Variants in PNKD observed in about 807,000 individuals in gnomAD.
The protein encoded by PNKD is probable thioesterase PNKD.
PNKD carries 36 observed loss-of-function variants against 45.3 expected under a neutral mutation model. The ratio of observed to expected loss-of-function variants is 0.80; its 90% CI spans 0.61 to 1.05. PNKD has a LOEUF of 1.05. PNKD is among the 50% of genes least tolerant of loss of function. The probability of loss-of-function intolerance (pLI) is 0.00; values close to 1 mark genes in which losing one functional copy is unlikely to be tolerated. For missense variants in PNKD, 511 were observed against 506.6 expected (o/e 1.01, Z -0.08); for synonymous variants, 197 against 210.1 (o/e 0.94, Z 0.54).
intron 2 of PNKD, among the ~76,000 whole-genome samples, chr2:218,301,622 T>TA (rs141502607): frequency 0.033 from 5,014 of 152,140 alleles, 267 homozygotes; most frequent in African/African-American, 0.11. Context: ...CCCATCTCTT[T>TA]AAAAAAATTA....
intron 2 of PNKD, among the ~76,000 whole-genome samples, chr2:218,314,480 C>G (rs1042848628): frequency 6.6e-6 from 1 of 152,056 alleles, no homozygotes; most frequent in African/African-American, 2.4e-5. Flanking sequence ...ACCTTGGCCT[C>G]CCAAAGTGCT....
rs566633209 is a variant in PNKD at position 218,340,364 on chromosome 2, T to C, written c.465+223T>C. Among the ~76,000 whole-genome samples, 1 of 151,940 alleles carries C rather than the reference T, an allele frequency of 6.6e-6. No homozygotes were observed. Among genetic ancestry groups the C allele is most frequent in the Non-Finnish European group, 1.5e-5 (1 of 67,948 alleles). Reference sequence around the variant, plus strand: ...AGTGGGGGATGCAGAGCCAGAGGGCTGGGGGTGTTGGCCCAGGACTCTGGG... The same window carrying C: ...AGTGGGGGATGCAGAGCCAGAGGGCCGGGGGTGTTGGCCCAGGACTCTGGG... On this transcript the variant is annotated intron_variant, in intron 4 of 9. Coordinates refer to ENST00000273077, the MANE Select transcript of PNKD (RefSeq NM_015488.5). The surrounding 1 kb of genome is among the most constrained non-coding windows in gnomAD (Gnocchi z 4.2).
chr2:218,297,505 G>C (rs1693167934), intron 2 of PNKD, among the ~76,000 whole-genome samples: 3 of 151,890 alleles, frequency 2.0e-5, no homozygotes, highest in African/African-American at 7.3e-5. Context: ...AACATATAGT[G>C]AAACCCCATC....
intron 2 of PNKD, among the ~76,000 whole-genome samples, chr2:218,337,365 G>A (rs773771585): frequency 1.2e-3 from 186 of 152,108 alleles, no homozygotes; most frequent in Non-Finnish European, 2.1e-3. Flanking sequence ...GAGCCACCGC[G>A]CCCGGCCTTC....
rs370101743 is a variant in PNKD at position 218,278,015 on chromosome 2, C to G, written c.236+6466C>G. ...AGCCTTGATTAAATGACTTGGGGCC[C>G]CTCAGGCGTCAGAGGCTCCTACAGC... On this transcript the variant is annotated intron_variant, in intron 2 of 9. Transcript: ENST00000273077. The G allele has an allele frequency of 4.5e-5, 73 of 1,611,522 alleles. No homozygotes were observed. In the African/African-American group the frequency reaches 9.6e-4, roughly 21 times the overall value.
At chr2:218,342,281 C>T in intron 7 of PNKD, 137 bp downstream of exon 7, 1 of 746,782 alleles carries the variant, frequency 1.3e-6, no homozygotes, top group Non-Finnish European at 2.3e-6. Context: ...ATCTGTGTTA[C>T]TCAGATTGGT....
chr2:218,291,532 C>G (rs992978420), intron 2 of PNKD, among the ~76,000 whole-genome samples: 1 of 152,144 alleles, frequency 6.6e-6, no homozygotes, highest in African/African-American at 2.4e-5. Flanking sequence ...GCCTACTTAT[C>G]CCATGTCCAG....
At position 218,339,827 on chromosome 2, in the gene PNKD, G is replaced by C; in HGVS notation, c.281G>C (p.Arg94Pro). Reference sequence around the variant, plus strand: ...ACCTGGCTCGGGTACCTCTTCTACCGACAGCAGCTGCGCAGGGCTCGGAAT... The same window carrying C: ...ACCTGGCTCGGGTACCTCTTCTACCCACAGCAGCTGCGCAGGGCTCGGAAT... ...TRTWLGYLFY[R>P]QQLRRARNRY... The change falls in exon 3 of 10, where the codon CGA becomes CCA. Residue 94 changes from arginine (R) to proline (P), a missense_variant. Coordinates refer to ENST00000273077, the MANE Select transcript of PNKD (RefSeq NM_015488.5). 1.2e-6 allele frequency: 2 copies of C among 1,613,694 alleles called. No homozygotes were observed. Among genetic ancestry groups the C allele is most frequent in the Non-Finnish European group, 8.5e-7 (1 of 1,179,852 alleles).
At chr2:218,334,975 C>T (rs1694445027) in intron 2 of PNKD, among the ~76,000 whole-genome samples, 1 of 151,778 alleles carries the variant, frequency 6.6e-6, no homozygotes, top group African/African-American at 2.4e-5. Context: ...ATCAAGACAT[C>T]TTCTCTTCAA....
At chr2:218,282,211 G>A (rs1574647542) in intron 2 of PNKD, 3 of 1,279,194 alleles carry the variant, frequency 2.3e-6, no homozygotes, top group East Asian at 2.9e-5. Context: ...AAGCAATCGT[G>A]AATGCCCAGG....
Position 218,270,519 on chromosome 2 carries a change from G to A in PNKD, c.-17G>A, listed in dbSNP as rs978870286. 8.3e-7 allele frequency: 1 copy of A among 1,208,048 alleles called. No individual in the cohort carries two copies. 74.8% of individuals were successfully genotyped at this position (1,208,048 alleles called of 1,614,324 possible). A position where few individuals can be genotyped will look rare whatever the true frequency, so the allele number is the denominator to read the frequency against. Reference sequence around the variant, plus strand: ...TTCCCGGCGGGGAGCGCGGTGAAGCGGGGGTGGGATCTGAACATGGCGGCG... The same window carrying A: ...TTCCCGGCGGGGAGCGCGGTGAAGCAGGGGTGGGATCTGAACATGGCGGCG... On this transcript the variant is annotated 5_prime_UTR_variant, in exon 1 of 10. Transcript: ENST00000273077.
intron 2 of PNKD, chr2:218,323,064 G>T (rs950764474): frequency 6.3e-6 from 5 of 799,200 alleles, no homozygotes; most frequent in South Asian, 3.6e-5. Flanking sequence ...GAGCCAGGCC[G>T]CCCCCCAAGC....
chr2:218,315,057 T>TCTTTCTTCCTTCCTTC lies in PNKD; in HGVS notation c.237-24723_237-24722insTCTTCCTTCCTTCCTT, dbSNP rs61429059. 7.7e-4 allele frequency among the ~76,000 whole-genome samples: 43 copies of TCTTTCTTCCTTCCTTC among 55,636 alleles called. 3 individuals carry two copies. Among genetic ancestry groups the TCTTTCTTCCTTCCTTC allele is most frequent in the African/African-American group, 1.6e-3 (26 of 16,724 alleles). 36.5% of individuals were successfully genotyped at this position (55,636 alleles called of 152,430 possible). Reference sequence around the variant, plus strand: ...CTTTCTTTTTCTTTCTTTCTTTCTTTCTTCCTTCCTTCCTTCCTTTCTTTC... The same window carrying TCTTTCTTCCTTCCTTC: ...CTTTCTTTTTCTTTCTTTCTTTCTTTCTTTCTTCCTTCCTTCCTTCCTTCCTTCCTTCCTTTCTTTC... On this transcript the variant is annotated intron_variant, in intron 2 of 9. Coordinates refer to ENST00000273077, the MANE Select transcript of PNKD (RefSeq NM_015488.5).
intron 2 of PNKD, among the ~76,000 whole-genome samples, chr2:218,315,075 T>TTCCTTCCTTCCTTCCTTCCC (rs1434336093): frequency 1.1e-5 from 1 of 94,944 alleles, no homozygotes; most frequent in Non-Finnish European, 2.3e-5. Context: ...CCTTCCTTCC[T>TTCCTTCCTTCCTTCCTTCCC]TTCTTTCTCT....
At chr2:218,281,820 G>T in intron 2 of PNKD, 1 of 867,968 alleles carries the variant, frequency 1.2e-6, no homozygotes, top group South Asian at 1.5e-5. Flanking sequence ...GATCTCAACA[G>T]AGAAGATGAG....
Position 218,315,094 on chromosome 2 carries a change from C to CTCCT in PNKD, c.237-24663_237-24660dup, listed in dbSNP as rs71064434. On this transcript the variant is annotated intron_variant, in intron 2 of 9. Coordinates refer to ENST00000273077, the MANE Select transcript of PNKD (RefSeq NM_015488.5). ...CCTTCCTTTCTTTCTCTCTCTCTCT[C>CTCCT]TCCTTCCTTCCTTCCTTCCTTCCTT... Among the ~76,000 whole-genome samples, 112 of 101,634 alleles carry CTCCT rather than the reference C, an allele frequency of 1.1e-3. 1 individual carries two copies. The highest frequency in any genetic ancestry group is 2.9e-3 in the African/African-American group (75 of 25,716). 66.7% of individuals were successfully genotyped at this position (101,634 alleles called of 152,430 possible).
At chr2:218,316,695 AGGAAATGACGTTGG>A (rs1481416619) in intron 2 of PNKD, 6 of 152,270 alleles carry the variant, frequency 3.9e-5, no homozygotes, top group African/African-American at 1.4e-4. Flanking sequence ...TTGAAAGTAA[AGGAAATGACGTTGG>A]GGCTTGAGGT....
At chr2:218,307,815 GC>G (rs1693463647) in intron 2 of PNKD, among the ~76,000 whole-genome samples, 1 of 152,118 alleles carries the variant, frequency 6.6e-6, no homozygotes, top group Non-Finnish European at 1.5e-5. Context: ...GGAGAGGAGA[GC>G]CAGAGAGACT....
At position 218,276,938 on chromosome 2, in the gene PNKD, C is replaced by CA; in HGVS notation, c.236+5390dup. 4 of 1,387,556 alleles carry CA rather than the reference C, an allele frequency of 2.9e-6. No homozygotes were observed. The Admixed American group carries it at 5.3e-5, about 18-fold the overall frequency. The allele number at this position is 1,387,556 out of a possible 1,614,324, so 86.0% of individuals were successfully genotyped here. The stretch of plus-strand genomic sequence containing the variant: ...CGGGGACCTTTGGGGCCTGCGAGAC[C>CA]ATGCTATATAGGAAGTCTGCCCTGA... On this transcript the variant is annotated intron_variant, in intron 2 of 9. Coordinates refer to ENST00000273077, the MANE Select transcript of PNKD (RefSeq NM_015488.5).
Sources: allele counts gnomAD v4.1 joint callset (sites outside exome capture counted in the v4.1 genomes callset), GRCh38; gene constraint gnomAD v4.1.1; non-coding constraint Gnocchi (gnomAD v3.1); transcripts MANE v1.5; gene names NCBI Gene and HGNC (gene_info 2026-07-23, HGNC 2026-07-21).